LCOR: variants seen among roughly 807,000 people sequenced by gnomAD.
LCOR encodes the protein ligand dependent nuclear receptor corepressor, also known as ligand-dependent corepressor.
A neutral mutation model predicts 64.4 loss-of-function variants in LCOR; 14 were observed. The observed-to-expected ratio is 0.22, with a 90% confidence interval of 0.14 to 0.34. The LOEUF (loss-of-function observed/expected upper bound fraction) is 0.34, where lower values mean the gene tolerates loss of function less well. Among genes scored for constraint, LCOR ranks in the 10% least tolerant of loss-of-function variants. The probability of loss-of-function intolerance (pLI) is 1.00; values close to 1 mark genes in which losing one functional copy is unlikely to be tolerated. For missense variants in LCOR, 1,686 were observed against 1,765.3 expected (o/e 0.96, Z 0.80); for synonymous variants, 643 against 642.5 (o/e 1.00, Z -0.01).
At chr10:96,909,770 C>T (rs567782858) in intron 4 of LCOR, among the ~76,000 whole-genome samples, 72 of 152,144 alleles carry the variant, frequency 4.7e-4, no homozygotes, top group African/African-American at 1.7e-3. Flanking sequence ...TGAGGAAGAA[C>T]GTGTTTTAAA....
At chr10:96,917,915 G>T (rs1178295961) in intron 4 of LCOR, among the ~76,000 whole-genome samples, 1 of 152,176 alleles carries the variant, frequency 6.6e-6, no homozygotes, top group Non-Finnish European at 1.5e-5. Flanking sequence ...AAGTTTTGGT[G>T]CAGTGGCCAG....
At chr10:96,906,104 A>G (rs1564621383) in intron 2 of LCOR, among the ~76,000 whole-genome samples, 1 of 152,166 alleles carries the variant, frequency 6.6e-6, no homozygotes, top group Non-Finnish European at 1.5e-5. Flanking sequence ...TTTTAAATTA[A>G]GGGGTACCTT....
rs758384940 is a variant in LCOR, at chr10:96,985,009, A to G, written c.4549A>G (p.Ser1517Gly). Residue 1517 changes from serine (S) to glycine (G), a missense_variant, in exon 8 of 8, where the codon AGT becomes GGT. Around this residue, in one of 3 missense-constraint regions of LCOR, gnomAD observed 1,293 missense variants for 1,410.4 expected, o/e 0.92. Coordinates refer to ENST00000421806, the MANE Select transcript of LCOR (RefSeq NM_001346516.2). ...PQKATNRKQS[S>G]GKTRARPSTK... is the part of the protein sequence containing the mutation. ...GAAAGCCACGAATAGGAAGCAGAGT[A>G]GTGGAAAGACTCGGGCCAGACCCTC... 1.2e-6 allele frequency: 2 copies of G among 1,614,212 alleles called. No homozygotes were observed.
intron 7 of LCOR, among the ~76,000 whole-genome samples, chr10:96,980,507 T>A (rs1302948838): frequency 6.6e-6 from 1 of 152,132 alleles, no homozygotes; most frequent in Non-Finnish European, 1.5e-5. Context: ...ATCAAAAGTA[T>A]ATGAGCAGAC....
Position 96,980,993 on chromosome 10 carries a change from C to T in LCOR, c.533C>T (p.Ala178Val), listed in dbSNP as rs867290113. The change falls in exon 8 of 8, where the codon GCT becomes GTT. Residue 178 changes from alanine (A) to valine (V), a missense_variant. Physicochemically the swap from Ala to Val is moderately conservative, Grantham distance 64 (BLOSUM62 0). Coordinates refer to ENST00000421806, the MANE Select transcript of LCOR (RefSeq NM_001346516.2). ...SGAMDVSTCN[A>V]GCAQLSTKHK... ...GCAATGGATGTATCCACTTGCAATG[C>T]TGGCTGTGCCCAGCTCAGCACCAAA... 1.0e-5 allele frequency: 7 copies of T among 702,924 alleles called. No individual in the cohort carries two copies. The highest frequency in any genetic ancestry group is 1.8e-5 in the Non-Finnish European group (7 of 385,014). 43.5% of individuals were successfully genotyped at this position (702,924 alleles called of 1,614,324 possible). A position where few individuals can be genotyped will look rare whatever the true frequency, so the allele number is the denominator to read the frequency against.
intron 4 of LCOR, among the ~76,000 whole-genome samples, chr10:96,937,882 A>G (rs188931354): frequency 2.0e-4 from 31 of 152,358 alleles, no homozygotes; most frequent in Non-Finnish European, 2.4e-4. Context: ...ACATATAAAA[A>G]GTGTTATACA....
At chr10:96,865,865 ACT>A (rs767741553) in intron 2 of LCOR, among the ~76,000 whole-genome samples, 12 of 132,838 alleles carry the variant, frequency 9.0e-5, no homozygotes, top group Non-Finnish European at 1.4e-4. Flanking sequence ...CAAGAGCGAG[ACT>A]CTGTCTCAAA....
chr10:96,832,440 C>G, intron 1 of LCOR, 41 bp downstream of exon 1: 1 of 834,368 alleles, frequency 1.2e-6, no homozygotes, highest in Non-Finnish European at 1.4e-6. Flanking sequence ...TCCGGCCGCC[C>G]CGCCGCCGGT....
At chr10:96,863,911 C>A (rs1182912362) in intron 2 of LCOR, among the ~76,000 whole-genome samples, 1 of 152,086 alleles carries the variant, frequency 6.6e-6, no homozygotes, top group Admixed American at 6.6e-5. Flanking sequence ...TTTATTCTTT[C>A]TGTATCAGTT....
intron 4 of LCOR, among the ~76,000 whole-genome samples, chr10:96,922,592 C>T (rs1206641510): frequency 6.6e-6 from 1 of 152,106 alleles, no homozygotes; most frequent in Admixed American, 6.5e-5. Context: ...TGAGATTGGG[C>T]TGAGCATGAA....
chr10:96,876,853 C>T (rs193022229), intron 2 of LCOR, among the ~76,000 whole-genome samples: 13 of 152,146 alleles, frequency 8.5e-5, no homozygotes, highest in Admixed American at 3.3e-4. Context: ...GTCACCACAC[C>T]CGGCTAATTT....
intron 2 of LCOR, among the ~76,000 whole-genome samples, chr10:96,881,378 T>C (rs1040851311): frequency 6.6e-6 from 1 of 152,204 alleles, no homozygotes; most frequent in Non-Finnish European, 1.5e-5. Context: ...TATAAAATGG[T>C]AATATATGCT....
chr10:96,832,813 G>A (rs2134352120), intron 1 of LCOR: 1 of 179,702 alleles, frequency 5.6e-6, no homozygotes, highest in Non-Finnish European at 1.1e-5. Flanking sequence ...AGGCGCGAGG[G>A]GCGCGGGCGT....
At chr10:96,897,362 G>A (rs1846556892) in intron 2 of LCOR, among the ~76,000 whole-genome samples, 1 of 152,066 alleles carries the variant, frequency 6.6e-6, no homozygotes, top group East Asian at 1.9e-4. Context: ...GTCTTCAAAC[G>A]GATTGTGGCC....
chr10:96,832,881 C>A, intron 1 of LCOR: 1 of 628,022 alleles, frequency 1.6e-6, no homozygotes, highest in Non-Finnish European at 2.0e-6. Context: ...CACCCCTCCC[C>A]CACGCGCGGG....
intron 7 of LCOR, chr10:96,956,132 G>A: frequency 7.3e-7 from 1 of 1,373,922 alleles, no homozygotes; most frequent in Non-Finnish European, 9.4e-7. Flanking sequence ...AATATGTTTG[G>A]CCTTTTGCAT....
At chr10:96,969,094 C>A (rs1258310615) in intron 7 of LCOR, among the ~76,000 whole-genome samples, 1 of 152,184 alleles carries the variant, frequency 6.6e-6, no homozygotes. Context: ...ATACTTAGCA[C>A]TGTGGCAGGC....
Position 96,981,373 on chromosome 10 carries a change from G to A in LCOR, c.913G>A (p.Glu305Lys). The A allele has an allele frequency of 6.2e-7, 1 of 1,614,080 alleles. No homozygotes were observed. Among genetic ancestry groups the A allele is most frequent in the Non-Finnish European group, 8.5e-7 (1 of 1,180,020 alleles). ...QEQDTNVNIC[E>K]DGKDHMQSSA... ...GCAAGACACAAATGTGAACATATGT[G>A]AGGATGGTAAAGACCATATGCAGAG... The change falls in exon 8 of 8, where the codon GAG becomes AAG. Residue 305 changes from glutamate to lysine, a missense_variant. Glu to Lys is a moderately conservative substitution (Grantham distance 56). Transcript: ENST00000421806.
intron 2 of LCOR, among the ~76,000 whole-genome samples, chr10:96,861,020 T>C (rs1845879198): frequency 6.6e-6 from 1 of 152,224 alleles, no homozygotes; most frequent in Non-Finnish European, 1.5e-5. Context: ...TTCTGGGTTC[T>C]AGTTCATTTT....
Sources: gnomAD v4.1 joint callset for allele counts (sites outside exome capture counted in the v4.1 genomes callset) on GRCh38, gnomAD v4.1.1 for gene constraint, gnomAD v4.1.1 regional missense constraint, MANE v1.5 for transcripts, NCBI Gene and HGNC (gene_info 2026-07-23, HGNC 2026-07-21) for gene names.